The following BLTP1 variants were observed in gnomAD, a reference collection of about 807,000 sequenced individuals.
BLTP1 encodes fragile site-associated protein.
chr4:122,313,345 A>C, the BLTP1 span, among the ~76,000 whole-genome samples: 1 of 152,148 alleles, frequency 6.6e-6, no homozygotes, highest in East Asian at 1.9e-4. Context: ...AGGTGTTGTC[A>C]CTCAAATAAG....
At chr4:122,286,878 G>A in the BLTP1 span, 1 of 1,057,664 alleles carries the variant, frequency 9.5e-7, no homozygotes, top group Non-Finnish European at 1.4e-6. Flanking sequence ...AACTTTTAAG[G>A]TAAAGTCTTA....
the BLTP1 span, chr4:122,161,091 T>C: frequency 2.1e-6 from 2 of 963,926 alleles, no homozygotes; most frequent in Non-Finnish European, 2.5e-6. Context: ...ATGAAGAGAG[T>C]GTATGTTGGT....
At chr4:122,206,691 G>C in the BLTP1 span, among the ~76,000 whole-genome samples, 1 of 151,632 alleles carries the variant, frequency 6.6e-6, no homozygotes, top group Non-Finnish European at 1.5e-5. Flanking sequence ...TTATGTAAAC[G>C]TGTGAAATAA....
At chr4:122,274,715 G>C in the BLTP1 span, 1 of 765,282 alleles carries the variant, frequency 1.3e-6, no homozygotes, top group African/African-American at 1.9e-5. Flanking sequence ...CAGATTTTCA[G>C]AATTTGCTCT....
the BLTP1 span, chr4:122,232,148 T>C: frequency 8.1e-6 from 8 of 982,804 alleles, no homozygotes; most frequent in Non-Finnish European, 9.7e-6. Flanking sequence ...TTGTGAAAAA[T>C]TGTGAAGAGT....
chr4:122,176,732 T>A, the BLTP1 span, among the ~76,000 whole-genome samples: 2 of 152,148 alleles, frequency 1.3e-5, no homozygotes, highest in Non-Finnish European at 2.9e-5. Context: ...AAAGGCCCAA[T>A]CCTTCAAAAA....
At chr4:122,267,005 C>A in the BLTP1 span, 5 of 878,942 alleles carry the variant, frequency 5.7e-6, no homozygotes, top group Admixed American at 2.9e-5. Flanking sequence ...AATTATAATA[C>A]GTTTGTTTTT....
chr4:122,243,205 T>C, the BLTP1 span: 2 of 971,194 alleles, frequency 2.1e-6, no homozygotes, highest in South Asian at 4.3e-5. Context: ...TCAGCTCTTT[T>C]CTCTGCCATG....
chr4:122,166,417 C>T, the BLTP1 span, among the ~76,000 whole-genome samples: 16 of 151,994 alleles, frequency 1.1e-4, no homozygotes, highest in South Asian at 2.1e-4. Flanking sequence ...GGCTCTGTTC[C>T]GTTCCATTGG....
At chr4:122,340,337 T>C in the BLTP1 span, among the ~76,000 whole-genome samples, 1 of 151,986 alleles carries the variant, frequency 6.6e-6, no homozygotes, top group Non-Finnish European at 1.5e-5. Flanking sequence ...AATCCCAAAT[T>C]CCATTTTTGA....
chr4:122,215,779 G>A, the BLTP1 span, among the ~76,000 whole-genome samples: 43 of 152,120 alleles, frequency 2.8e-4, no homozygotes, highest in Admixed American at 2.6e-3. Flanking sequence ...AGATTTTGCT[G>A]CACCCGTCAC....
At chr4:122,319,374 C>T in the BLTP1 span, among the ~76,000 whole-genome samples, 1 of 151,650 alleles carries the variant, frequency 6.6e-6, no homozygotes, top group Non-Finnish European at 1.5e-5. Context: ...CTAAGCACTG[C>T]TTTTGCTGTG....
At chr4:122,229,330 G>T in the BLTP1 span, 1 of 1,054,354 alleles carries the variant, frequency 9.5e-7, no homozygotes. Context: ...TTTATAGTTT[G>T]TCATCTCACA....
chr4:122,197,362 A>G, the BLTP1 span: 5 of 1,042,238 alleles, frequency 4.8e-6, no homozygotes, highest in Non-Finnish European at 5.2e-6. Flanking sequence ...GACTAACATT[A>G]ATAAGGTTTT....
the BLTP1 span, chr4:122,279,803 T>C: frequency 6.2e-7 from 1 of 1,613,996 alleles, no homozygotes; most frequent in Non-Finnish European, 8.5e-7. Context: ...TATTGCCAAG[T>C]CCCAAGCCCT....
At chr4:122,354,496 T>C in the BLTP1 span, among the ~76,000 whole-genome samples, 1 of 151,752 alleles carries the variant, frequency 6.6e-6, no homozygotes, top group African/African-American at 2.4e-5. Flanking sequence ...TTCATTTGAT[T>C]AGATACAACA....
chr4:122,259,628 A>G, the BLTP1 span, among the ~76,000 whole-genome samples: 1 of 152,250 alleles, frequency 6.6e-6, no homozygotes, highest in African/African-American at 2.4e-5. Context: ...TTGGGAGGCC[A>G]AGGCGGGTGG....
the BLTP1 span, chr4:122,190,563 A>G: frequency 5.0e-5 from 34 of 677,674 alleles, no homozygotes; most frequent in African/African-American, 6.6e-4. Context: ...AAACTTGAAT[A>G]TTAGTTTAGT....
chr4:122,218,226 T>C, the BLTP1 span, among the ~76,000 whole-genome samples: 1 of 152,172 alleles, frequency 6.6e-6, no homozygotes, highest in Non-Finnish European at 1.5e-5. Context: ...ATTTATGTTA[T>C]TTTTTAAAAA....
Sources: allele counts gnomAD v4.1 joint callset (sites outside exome capture counted in the v4.1 genomes callset), GRCh38; gene constraint gnomAD v4.1.1; transcripts MANE v1.5; gene names NCBI Gene and HGNC (gene_info 2026-07-23, HGNC 2026-07-21).